The following HS6ST3 variants were observed in gnomAD, a reference collection of about 807,000 sequenced individuals.
HS6ST3 encodes heparan sulfate 6-O-sulfotransferase 3.
A neutral mutation model predicts 36.7 loss-of-function variants in HS6ST3; 12 were observed. The observed-to-expected ratio is 0.33, with a 90% confidence interval of 0.21 to 0.53. HS6ST3 has a LOEUF of 0.53. Ranked by LOEUF, HS6ST3 falls within the 20% of genes least tolerant of loss-of-function variation. The pLI, the probability that HS6ST3 is intolerant of heterozygous loss-of-function variation, is 0.95. For missense variants in HS6ST3, 584 were observed against 640.9 expected, an observed-to-expected ratio of 0.91 and a Z score of 0.96; for synonymous variants, 240 against 257.5, an observed-to-expected ratio of 0.93 and a Z score of 0.65.
intron 1 of HS6ST3, among the ~76,000 whole-genome samples, chr13:96,731,264 C>T (rs980058692): frequency 1.3e-5 from 2 of 152,176 alleles, no homozygotes; most frequent in Non-Finnish European, 2.9e-5. Context: ...ATCCCAGTCT[C>T]GGGTAACCAC....
intron 1 of HS6ST3, among the ~76,000 whole-genome samples, chr13:96,144,829 G>C (rs1464414694): frequency 8.3e-6 from 1 of 119,902 alleles, no homozygotes; most frequent in Admixed American, 1.1e-4. Context: ...CCCAGTGTGT[G>C]ATGTTCCCCT....
At chr13:96,172,880 G>T (rs955840586) in intron 1 of HS6ST3, among the ~76,000 whole-genome samples, 1 of 152,204 alleles carries the variant, frequency 6.6e-6, no homozygotes, top group African/African-American at 2.4e-5. Context: ...GTAGGTGCCT[G>T]CTTTTTGCCA....
At chr13:96,372,198 C>G (rs142543812) in intron 1 of HS6ST3, among the ~76,000 whole-genome samples, 1 of 152,080 alleles carries the variant, frequency 6.6e-6, no homozygotes, top group African/African-American at 2.4e-5. Flanking sequence ...GAAGTGATAT[C>G]CCATTATGAT....
intron 1 of HS6ST3, among the ~76,000 whole-genome samples, chr13:96,809,593 C>T (rs937274771): frequency 1.4e-4 from 21 of 152,278 alleles, no homozygotes; most frequent in Admixed American, 1.0e-3. Context: ...TGTTGCTGTA[C>T]AGAGGAGCAG....
chr13:96,375,854 A>G (rs2055312080), intron 1 of HS6ST3, among the ~76,000 whole-genome samples: 1 of 152,246 alleles, frequency 6.6e-6, no homozygotes, highest in Non-Finnish European at 1.5e-5. Context: ...GCATTTCATT[A>G]GACCCTGGGA....
At chr13:96,306,679 G>C (rs933461270) in intron 1 of HS6ST3, among the ~76,000 whole-genome samples, 1 of 152,140 alleles carries the variant, frequency 6.6e-6, no homozygotes, top group Non-Finnish European at 1.5e-5. Context: ...GTCAGTTGCT[G>C]TGCTTGTCCT....
intron 1 of HS6ST3, among the ~76,000 whole-genome samples, chr13:96,317,376 A>ATATATATATATATATATAAT (rs2054980243): frequency 2.7e-4 from 2 of 7,318 alleles, no homozygotes; most frequent in Non-Finnish European, 6.6e-4. Flanking sequence ...ATAAAATTAT[A>ATATATATATATATATATAAT]TATATATATA....
intron 1 of HS6ST3, among the ~76,000 whole-genome samples, chr13:96,112,440 A>G (rs934090489): frequency 2.0e-5 from 3 of 151,372 alleles, no homozygotes; most frequent in Non-Finnish European, 4.4e-5. Context: ...CTATATTTAA[A>G]TGGTGAAACA....
At chr13:96,423,330 G>T (rs2055570228) in intron 1 of HS6ST3, among the ~76,000 whole-genome samples, 1 of 151,790 alleles carries the variant, frequency 6.6e-6, no homozygotes, top group African/African-American at 2.4e-5. Flanking sequence ...TTGGGTCCTG[G>T]GTCCAAAAAA....
chr13:96,253,439 CA>C (rs1463151675), intron 1 of HS6ST3, among the ~76,000 whole-genome samples: 3 of 152,170 alleles, frequency 2.0e-5, no homozygotes, highest in African/African-American at 4.8e-5. Flanking sequence ...AGGGATGACA[CA>C]AGTGAAGTGG....
chr13:96,616,306 G>A (rs1242176462), intron 1 of HS6ST3, among the ~76,000 whole-genome samples: 2 of 151,978 alleles, frequency 1.3e-5, no homozygotes, highest in Admixed American at 6.6e-5. Flanking sequence ...TGTCACAAAT[G>A]GTACATTTTC....
chr13:96,177,469 A>T (rs907149488), intron 1 of HS6ST3, among the ~76,000 whole-genome samples: 1 of 152,186 alleles, frequency 6.6e-6, no homozygotes. Context: ...ATGTCCTTTG[A>T]GGGAACGTGG....
chr13:96,597,421 A>T (rs2056405735), intron 1 of HS6ST3, among the ~76,000 whole-genome samples: 1 of 150,616 alleles, frequency 6.6e-6, no homozygotes, highest in South Asian at 2.1e-4. Context: ...CATTTTCCTG[A>T]TGATTGGTGA....
At chr13:96,462,761 A>G (rs1198989039) in intron 1 of HS6ST3, among the ~76,000 whole-genome samples, 1 of 152,248 alleles carries the variant, frequency 6.6e-6, no homozygotes. Context: ...ATTACTGGGT[A>G]TAAAATCAAT....
intron 1 of HS6ST3, among the ~76,000 whole-genome samples, chr13:96,231,760 A>G (rs2054509450): frequency 6.6e-6 from 1 of 152,176 alleles, no homozygotes; most frequent in Non-Finnish European, 1.5e-5. Context: ...ACTGGCTTGT[A>G]TATACTCGCT....
At chr13:96,555,386 G>A (rs1367280732) in intron 1 of HS6ST3, among the ~76,000 whole-genome samples, 2 of 152,170 alleles carry the variant, frequency 1.3e-5, no homozygotes, top group African/African-American at 4.8e-5. Flanking sequence ...ATGGTTCACA[G>A]TAGGGAATAG....
At chr13:96,629,099 A>G (rs1238172224) in intron 1 of HS6ST3, among the ~76,000 whole-genome samples, 2 of 152,050 alleles carry the variant, frequency 1.3e-5, no homozygotes, top group East Asian at 1.9e-4. Context: ...TTATTTTTTT[A>G]GCATTTACTG....
chr13:96,819,047 A>G (rs577729000), intron 1 of HS6ST3, among the ~76,000 whole-genome samples: 1 of 152,352 alleles, frequency 6.6e-6, no homozygotes, highest in South Asian at 2.1e-4. Flanking sequence ...TTTGGGGGAG[A>G]CTGTAAGAAA....
intron 1 of HS6ST3, among the ~76,000 whole-genome samples, chr13:96,568,140 A>G (rs2056288334): frequency 6.6e-6 from 1 of 152,242 alleles, no homozygotes; most frequent in African/African-American, 2.4e-5. Flanking sequence ...ACTGCTACCC[A>G]TAAGCTCAGT....
Sources: gnomAD v4.1 joint callset for allele counts (sites outside exome capture counted in the v4.1 genomes callset) on GRCh38, gnomAD v4.1.1 for gene constraint, MANE v1.5 for transcripts, NCBI Gene and HGNC (gene_info 2026-07-23, HGNC 2026-07-21) for gene names.